VCF1: variants seen among roughly 807,000 people sequenced by gnomAD.
VCF1 encodes protein VCF1.
chr17:73,208,563 G>GA, the VCF1 span: 1 of 1,312,570 alleles, frequency 7.6e-7, no homozygotes, highest in Non-Finnish European at 1.1e-6. Context: ...TTCACTGATG[G>GA]AATGTGGCCC....
At chr17:73,208,210 C>T in the VCF1 span, 90 of 1,595,172 alleles carry the variant, frequency 5.6e-5, no homozygotes, top group Admixed American at 2.2e-4. Context: ...TTCTCAGCTC[C>T]GCTTGTGTGT....
the VCF1 span, chr17:73,232,201 G>A: frequency 1.2e-6 from 2 of 1,610,668 alleles, no homozygotes; most frequent in African/African-American, 2.7e-5. Flanking sequence ...CCACCCCCTC[G>A]GGCCTTGGCT....
the VCF1 span, chr17:73,227,038 G>A: frequency 1.0e-5 from 7 of 694,128 alleles, no homozygotes; most frequent in East Asian, 1.5e-4. Flanking sequence ...GAAACAGAAA[G>A]GTTAAACCAG....
chr17:73,212,338 A>G, the VCF1 span, among the ~76,000 whole-genome samples: 2 of 152,196 alleles, frequency 1.3e-5, no homozygotes, highest in Admixed American at 1.3e-4. Flanking sequence ...ACAAGACTCA[A>G]ACCAAGACTT....
At chr17:73,227,238 T>G in the VCF1 span, 1 of 1,579,656 alleles carries the variant, frequency 6.3e-7, no homozygotes, top group East Asian at 2.3e-5. Flanking sequence ...ATGGTTGTCT[T>G]CTTCGTTGCC....
At chr17:73,229,643 A>C in the VCF1 span, 1 of 921,250 alleles carries the variant, frequency 1.1e-6, no homozygotes, top group Non-Finnish European at 1.3e-6. Flanking sequence ...AGGCAGGCAG[A>C]TCACTTGAGG....
At chr17:73,217,769 T>G in the VCF1 span, among the ~76,000 whole-genome samples, 7 of 150,502 alleles carry the variant, frequency 4.7e-5, no homozygotes, top group Non-Finnish European at 8.9e-5. Flanking sequence ...CTCAGGAGTT[T>G]GAGACCAGCC....
At chr17:73,227,665 T>C in the VCF1 span, 39 of 986,234 alleles carry the variant, frequency 4.0e-5, no homozygotes, top group Non-Finnish European at 4.7e-5. Flanking sequence ...TATGACAACA[T>C]TTGATATAAG....
chr17:73,228,967 C>G, the VCF1 span, among the ~76,000 whole-genome samples: 352 of 152,258 alleles, frequency 2.3e-3, 1 homozygote, highest in African/African-American at 8.3e-3. Flanking sequence ...AACTTAGGAG[C>G]CTGATCAAAA....
At chr17:73,232,246 A>G in the VCF1 span, 1 of 1,611,710 alleles carries the variant, frequency 6.2e-7, no homozygotes, top group African/African-American at 1.3e-5. Flanking sequence ...GCCGGTGGCG[A>G]GTACCCCTCA....
the VCF1 span, chr17:73,231,942 T>TCC: frequency 1.1e-6 from 1 of 880,180 alleles, no homozygotes; most frequent in African/African-American, 1.8e-5. Flanking sequence ...CGCATCCCTC[T>TCC]CCCCTCCTCC....
At chr17:73,217,948 G>A in the VCF1 span, among the ~76,000 whole-genome samples, 3 of 152,036 alleles carry the variant, frequency 2.0e-5, no homozygotes, top group Non-Finnish European at 2.9e-5. Flanking sequence ...CTCCAGCCTG[G>A]GCGACAGAGC....
the VCF1 span, chr17:73,208,492 C>CATT: frequency 2.5e-6 from 4 of 1,601,304 alleles, no homozygotes; most frequent in Non-Finnish European, 3.4e-6. Context: ...AATACTACCA[C>CATT]ATTATTTCTT....
chr17:73,213,686 T>A, the VCF1 span, among the ~76,000 whole-genome samples: 6 of 152,192 alleles, frequency 3.9e-5, no homozygotes, highest in Admixed American at 2.0e-4. Flanking sequence ...AATGCTACCA[T>A]GGGCCAGGCA....
chr17:73,231,981 C>T, the VCF1 span: 1 of 1,271,304 alleles, frequency 7.9e-7, no homozygotes, highest in Non-Finnish European at 1.1e-6. Context: ...CCACAGGGAG[C>T]CCCGCCGGGT....
the VCF1 span, among the ~76,000 whole-genome samples, chr17:73,226,058 C>T: frequency 6.6e-6 from 1 of 151,718 alleles, no homozygotes; most frequent in South Asian, 2.1e-4. Context: ...TGCACCACCA[C>T]ACCCAGCTAA....
chr17:73,207,824 G>A, the VCF1 span: 1 of 1,280,032 alleles, frequency 7.8e-7, no homozygotes. Flanking sequence ...TTGCTTTATT[G>A]TTAGACACAA....
the VCF1 span, among the ~76,000 whole-genome samples, chr17:73,214,888 A>T: frequency 6.6e-6 from 1 of 152,244 alleles, no homozygotes; most frequent in Non-Finnish European, 1.5e-5. Context: ...TATGATCCTG[A>T]TTCCTTACAG....
the VCF1 span, among the ~76,000 whole-genome samples, chr17:73,220,295 T>TA: frequency 6.6e-6 from 1 of 152,222 alleles, no homozygotes; most frequent in African/African-American, 2.4e-5. Flanking sequence ...AACTTTATGA[T>TA]AAATGGATCC....
Sources: allele counts gnomAD v4.1 joint callset (sites outside exome capture counted in the v4.1 genomes callset), GRCh38; gene constraint gnomAD v4.1.1; transcripts MANE v1.5; gene names NCBI Gene and HGNC (gene_info 2026-07-23, HGNC 2026-07-21).